Variants in FCF1 observed in about 807,000 individuals in gnomAD.
FCF1 encodes rRNA-processing protein FCF1 homolog.
In FCF1, 17 loss-of-function variants were observed where a neutral mutation model predicts 32.5. The observed-to-expected ratio is 0.52, with a 90% confidence interval of 0.36 to 0.78. The LOEUF (loss-of-function observed/expected upper bound fraction) is 0.78. Among genes scored for constraint, FCF1 ranks in the 30% least tolerant of loss-of-function variants. The pLI is 0.00. For missense variants in FCF1, 201 were observed against 241.1 expected (o/e 0.83, Z 1.10); for synonymous variants, 84 against 78.4 (o/e 1.07, Z -0.38).
chr14:74,731,181 T>C (rs1287705123), intron 5 of FCF1, among the ~76,000 whole-genome samples: 1 of 151,716 alleles, frequency 6.6e-6, no homozygotes, highest in African/African-American at 2.4e-5. Flanking sequence ...GGGGAAAAAA[T>C]AGAGGCACCA....
At chr14:74,720,874 GGTTT>G (rs932862316) in intron 4 of FCF1, among the ~76,000 whole-genome samples, 2 of 142,532 alleles carry the variant, frequency 1.4e-5, no homozygotes, top group South Asian at 2.2e-4. Context: ...AAGTTTTTGG[GGTTT>G]GTTTTTTTTT....
At chr14:74,717,498 G>T (rs938749469) in intron 4 of FCF1, among the ~76,000 whole-genome samples, 4 of 152,088 alleles carry the variant, frequency 2.6e-5, no homozygotes, top group Admixed American at 1.3e-4. Flanking sequence ...AATGGTCAGG[G>T]GACCATTGTT....
intron 5 of FCF1, among the ~76,000 whole-genome samples, chr14:74,728,354 C>G (rs1392253322): frequency 1.3e-5 from 2 of 151,932 alleles, no homozygotes; most frequent in Admixed American, 1.3e-4. Flanking sequence ...GTATTTTATT[C>G]TCTTTGAAGC....
At position 74,725,860 on chromosome 14, in the gene FCF1, C is replaced by T. The variant is rs573131535; in HGVS notation, c.365+2516C>T. Reference sequence around the variant, plus strand: ...CTGAGGCAGGAGAATAGCATGAACCCGGGAGGCGGAGCTTGCAGTGAGCCG... The same window carrying T: ...CTGAGGCAGGAGAATAGCATGAACCTGGGAGGCGGAGCTTGCAGTGAGCCG... On this transcript the variant is annotated intron_variant, in intron 5 of 7. Coordinates refer to ENST00000341162, the MANE Select transcript of FCF1 (RefSeq NM_015962.5). Among the ~76,000 whole-genome samples, 5 of 151,048 alleles carry T rather than the reference C, an allele frequency of 3.3e-5. No individual in the cohort carries two copies. In the East Asian group the frequency reaches 5.9e-4, roughly 18 times the overall value.
chr14:74,723,656 C>G (rs1043068370), intron 5 of FCF1, among the ~76,000 whole-genome samples: 5 of 151,772 alleles, frequency 3.3e-5, no homozygotes, highest in African/African-American at 4.8e-5. Context: ...TGGAGAAACC[C>G]TATCTCTTCT....
chr14:74,715,729 G>A (rs1205263182), intron 3 of FCF1: 1 of 955,020 alleles, frequency 1.0e-6, no homozygotes, highest in African/African-American at 1.7e-5. Context: ...GTTTGTTTTT[G>A]ATAATTGCTT....
Position 74,734,934 on chromosome 14 carries a change from T to G in FCF1, c.*4T>G. ...TTATGGAGCCCCTCGATTCTAATTC[T>G]TACAAGACACAGTTCCTCTGCCTTT... On this transcript the variant is annotated 3_prime_UTR_variant, in exon 8 of 8. Coordinates refer to ENST00000341162, the MANE Select transcript of FCF1 (RefSeq NM_015962.5). 1 of 1,612,692 alleles carries G rather than the reference T, an allele frequency of 6.2e-7. No homozygotes were observed. Among genetic ancestry groups the G allele is most frequent in the Non-Finnish European group, 8.5e-7 (1 of 1,178,698 alleles).
chr14:74,723,264 C>G lies in FCF1; in HGVS notation c.293-8C>G, dbSNP rs187365036. The G allele has an allele frequency of 1.1e-5, 17 of 1,609,028 alleles. No homozygotes were observed. Among genetic ancestry groups the G allele is most frequent in the African/African-American group, 1.3e-5 (1 of 74,724 alleles). On this transcript the variant is annotated splice_region_variant and splice_polypyrimidine_tract_variant and intron_variant, in intron 4 of 7. Coordinates refer to ENST00000341162, the MANE Select transcript of FCF1 (RefSeq NM_015962.5). ...TCTGTTCTTAATGTGAATTTTTTTCCCTGGCAGGTATCCCATGTATAACCG... is the reference window on the plus strand; with the variant it reads ...TCTGTTCTTAATGTGAATTTTTTTCGCTGGCAGGTATCCCATGTATAACCG...
intron 2 of FCF1, among the ~76,000 whole-genome samples, chr14:74,714,527 G>A (rs1252733577): frequency 6.6e-6 from 1 of 152,282 alleles, no homozygotes; most frequent in South Asian, 2.1e-4. Flanking sequence ...TGAATCTTCA[G>A]AAGATAACTG....
In FCF1 at chr14:74,713,538, C is replaced by G; in HGVS notation, c.57C>G (p.Leu19=). 6.2e-7 allele frequency: 1 copy of G among 1,611,992 alleles called. No homozygotes were observed. The highest frequency in any genetic ancestry group is 8.5e-7 in the Non-Finnish European group (1 of 1,179,790). Residue 19 remains leucine (L), a synonymous_variant, in exon 2 of 8, where the codon CTC becomes CTG. Transcript: ENST00000341162. Reference sequence around the variant, plus strand: ...CGACCATGAAGCGAATGCTTAGTCTCAGAGATCAGAGGCTGTGAGTGTCTG... The same window carrying G: ...CGACCATGAAGCGAATGCTTAGTCTGAGAGATCAGAGGCTGTGAGTGTCTG... ...KYATMKRMLS[L]RDQRLKEKDR... is the part of the protein sequence containing the mutation.
chr14:74,730,206 CTTTTTTTTTT>C (rs869067896), intron 5 of FCF1, among the ~76,000 whole-genome samples: 4 of 109,400 alleles, frequency 3.7e-5, no homozygotes, highest in African/African-American at 1.4e-4. Context: ...TGTGTATATG[CTTTTTTTTTT>C]TTTTTTTTTT....
intron 5 of FCF1, among the ~76,000 whole-genome samples, chr14:74,727,427 G>A (rs989995559): frequency 1.4e-4 from 22 of 152,044 alleles, no homozygotes; most frequent in African/African-American, 5.3e-4. Context: ...GTCTGTTCAT[G>A]TCCTTCGCCC....
chr14:74,717,753 G>A (rs1015991631), intron 4 of FCF1, among the ~76,000 whole-genome samples: 1 of 152,178 alleles, frequency 6.6e-6, no homozygotes, highest in Admixed American at 6.5e-5. Context: ...GAGGGTCAAA[G>A]CATGGCCCTT....
In FCF1 at chr14:74,737,716, C is replaced by G. The variant is rs928150227; in HGVS notation, c.*2786C>G. On this transcript the variant is annotated 3_prime_UTR_variant, in exon 8 of 8. Coordinates refer to ENST00000341162, the MANE Select transcript of FCF1 (RefSeq NM_015962.5). ...AAAAAAATTAGGCCGGGCGTGGTGGCTCACACCTGTAATCCCAACACTTTG... is the reference window on the plus strand; with the variant it reads ...AAAAAAATTAGGCCGGGCGTGGTGGGTCACACCTGTAATCCCAACACTTTG... 6.6e-6 allele frequency: 1 copy of G among 152,210 alleles called. No homozygotes were observed. Among genetic ancestry groups the G allele is most frequent in the African/African-American group, 2.4e-5 (1 of 41,432 alleles). The allele number at this position is 152,210 out of a possible 1,614,324, so 9.4% of individuals were successfully genotyped here. A position where few individuals can be genotyped will look rare whatever the true frequency, so the allele number is the denominator to read the frequency against.
intron 4 of FCF1, among the ~76,000 whole-genome samples, chr14:74,717,480 T>G (rs2090436947): frequency 6.6e-6 from 1 of 152,300 alleles, no homozygotes; most frequent in East Asian, 1.9e-4. Context: ...CAGAATTGAT[T>G]GGGTGGCAAT....
At chr14:74,729,814 G>A (rs1297476797) in intron 5 of FCF1, among the ~76,000 whole-genome samples, 9 of 152,002 alleles carry the variant, frequency 5.9e-5, no homozygotes, top group Admixed American at 4.6e-4. Context: ...CTTTGTTCTC[G>A]TTGGTTTCAA....
rs1363032641 is a variant in FCF1 at position 74,736,283 on chromosome 14, G to A, written c.*1353G>A. 2.6e-5 allele frequency: 4 copies of A among 152,066 alleles called. No homozygotes were observed. The highest frequency in any genetic ancestry group is 7.3e-5 in the African/African-American group (3 of 41,338). 9.4% of individuals were successfully genotyped at this position (152,066 alleles called of 1,614,324 possible). On this transcript the variant is annotated 3_prime_UTR_variant, in exon 8 of 8. Coordinates refer to ENST00000341162, the MANE Select transcript of FCF1 (RefSeq NM_015962.5). Reference sequence around the variant, plus strand: ...AAAAATTAGCTGGGTATGGTGTCACGTGCCTGTAATCCCAGCCACTGGGGA... The same window carrying A: ...AAAAATTAGCTGGGTATGGTGTCACATGCCTGTAATCCCAGCCACTGGGGA...
Position 74,735,810 on chromosome 14 carries a change from G to A in FCF1, c.*880G>A, listed in dbSNP as rs772251108. On this transcript the variant is annotated 3_prime_UTR_variant, in exon 8 of 8. Transcript: ENST00000341162. ...ACTTTTGTATTTTTAATACAGAAAA[G>A]TATGCCTCGGCCTCCCAAAGTGCTG... The A allele has an allele frequency of 6.6e-6, 1 of 152,250 alleles. No individual in the cohort carries two copies. The highest frequency in any genetic ancestry group is 6.6e-5 in the Admixed American group (1 of 15,262). The allele number at this position is 152,250 out of a possible 1,614,324, so 9.4% of individuals were successfully genotyped here.
chr14:74,735,151 G>T lies in FCF1; in HGVS notation c.*221G>T. 1 of 458,964 alleles carries T rather than the reference G, an allele frequency of 2.2e-6. No individual in the cohort carries two copies. The highest frequency in any genetic ancestry group is 2.7e-5 in the South Asian group (1 of 36,750). 28.4% of individuals were successfully genotyped at this position (458,964 alleles called of 1,614,324 possible). A position where few individuals can be genotyped will look rare whatever the true frequency, so the allele number is the denominator to read the frequency against. ...TTTAAGCATTTTGTGGGGCCGCGGGGGTTGGGGGGAATCTGTGCAGGGGGA... is the reference window on the plus strand; with the variant it reads ...TTTAAGCATTTTGTGGGGCCGCGGGTGTTGGGGGGAATCTGTGCAGGGGGA... On this transcript the variant is annotated 3_prime_UTR_variant, in exon 8 of 8. Transcript: ENST00000341162.
Sources: gnomAD v4.1 joint callset for allele counts (sites outside exome capture counted in the v4.1 genomes callset) on GRCh38, gnomAD v4.1.1 for gene constraint, MANE v1.5 for transcripts, NCBI Gene and HGNC (gene_info 2026-07-23, HGNC 2026-07-21) for gene names.